The following SHTN1 variants were observed in gnomAD, a reference collection of about 807,000 sequenced individuals.
SHTN1 encodes the protein shootin 1.
A neutral mutation model predicts 83.1 loss-of-function variants in SHTN1; 42 were observed. That is an observed-to-expected ratio of 0.51 (90% CI 0.39 to 0.65). SHTN1 has a LOEUF of 0.65. SHTN1 is among the 30% of genes least tolerant of loss of function. The pLI is 0.00. For synonymous variants in SHTN1, 224 were observed against 247.7 expected (o/e 0.90, Z 0.90); for missense variants, 622 against 737.8 (o/e 0.84, Z 1.82).
At chr10:116,977,813 T>A (rs1850863479) in intron 2 of SHTN1, among the ~76,000 whole-genome samples, 1 of 152,098 alleles carries the variant, frequency 6.6e-6, no homozygotes, top group Admixed American at 6.5e-5. Context: ...TAGCTGGGAC[T>A]ACAGGTGCAT....
intron 15 of SHTN1, among the ~76,000 whole-genome samples, chr10:116,903,467 G>C: frequency 6.6e-6 from 1 of 151,996 alleles, no homozygotes; most frequent in East Asian, 1.9e-4. Context: ...AGAGGTTGCA[G>C]TGAGCCGAGA....
At chr10:116,999,535 A>C (rs1851748713) in intron 1 of SHTN1, among the ~76,000 whole-genome samples, 1 of 152,226 alleles carries the variant, frequency 6.6e-6, no homozygotes, top group Non-Finnish European at 1.5e-5. Context: ...ATTGAGAAAC[A>C]ATGGGTCAGA....
chr10:116,919,111 G>GA (rs1305414854), intron 12 of SHTN1, among the ~76,000 whole-genome samples: 1 of 152,134 alleles, frequency 6.6e-6, no homozygotes, highest in African/African-American at 2.4e-5. Flanking sequence ...AAAACACAGT[G>GA]AATGTGAGAC....
chr10:117,026,510 T>C (rs1226311052), intron 2 of SHTN1, among the ~76,000 whole-genome samples: 1 of 146,538 alleles, frequency 6.8e-6, no homozygotes, highest in East Asian at 1.9e-4. Flanking sequence ...GCAACCTCCT[T>C]CTCCCGAATT....
At chr10:117,014,980 A>G (rs1012228287) in intron 2 of SHTN1, among the ~76,000 whole-genome samples, 5 of 152,214 alleles carry the variant, frequency 3.3e-5, no homozygotes, top group Non-Finnish European at 7.3e-5. Context: ...ATCCAATGGG[A>G]AAGTTGTAAC....
chr10:117,051,016 TCC>T (rs1438394013), intron 1 of SHTN1, among the ~76,000 whole-genome samples: 3 of 152,150 alleles, frequency 2.0e-5, no homozygotes, highest in African/African-American at 7.2e-5. Flanking sequence ...CTGATCGCAC[TCC>T]TGCACTACAG....
intron 9 of SHTN1, among the ~76,000 whole-genome samples, chr10:116,934,555 G>A (rs921411251): frequency 3.3e-5 from 5 of 152,158 alleles, no homozygotes; most frequent in African/African-American, 1.2e-4. Context: ...GTACCATGCT[G>A]CTTTGGTTAC....
At chr10:116,926,155 C>A (rs1247491892) in intron 11 of SHTN1, among the ~76,000 whole-genome samples, 1 of 152,054 alleles carries the variant, frequency 6.6e-6, no homozygotes, top group Non-Finnish European at 1.5e-5. Context: ...CGTTTCTCAG[C>A]GTAACTGTAA....
intron 13 of SHTN1, among the ~76,000 whole-genome samples, chr10:116,913,869 A>G (rs1848290849): frequency 6.6e-6 from 1 of 152,180 alleles, no homozygotes; most frequent in Admixed American, 6.5e-5. Context: ...GCCCAACTCC[A>G]AGAGCTCTGC....
intron 1 of SHTN1, among the ~76,000 whole-genome samples, chr10:116,996,263 C>T (rs1297852981): frequency 6.6e-6 from 1 of 152,162 alleles, no homozygotes; most frequent in Non-Finnish European, 1.5e-5. Context: ...TAACTACCTG[C>T]AATCTGGAAT....
At chr10:116,997,206 A>T (rs1851656118) in intron 1 of SHTN1, among the ~76,000 whole-genome samples, 2 of 151,930 alleles carry the variant, frequency 1.3e-5, no homozygotes, top group South Asian at 4.1e-4. Context: ...TTCCCCATAA[A>T]CTCACCTTCC....
intron 2 of SHTN1, among the ~76,000 whole-genome samples, chr10:117,030,035 C>T (rs976623784): frequency 5.3e-5 from 8 of 151,964 alleles, no homozygotes; most frequent in African/African-American, 1.9e-4. Context: ...CCTACAGGTG[C>T]ATGCCATCAC....
At chr10:116,902,572 T>C (rs1847788116) in intron 15 of SHTN1, among the ~76,000 whole-genome samples, 1 of 152,314 alleles carries the variant, frequency 6.6e-6, no homozygotes, top group African/African-American at 2.4e-5. Flanking sequence ...TTAAAAACCA[T>C]AATAAAACTT....
At chr10:116,979,152 C>A (rs761052950) in intron 2 of SHTN1, 104 bp downstream of exon 2, 41 of 937,186 alleles carry the variant, frequency 4.4e-5, no homozygotes, top group Non-Finnish European at 6.3e-5. Flanking sequence ...AAGAAAAAAA[C>A]AACCCTCATT....
intron 2 of SHTN1, among the ~76,000 whole-genome samples, chr10:117,037,780 G>T (rs1354167214): frequency 1.3e-5 from 2 of 152,012 alleles, no homozygotes; most frequent in Non-Finnish European, 2.9e-5. Flanking sequence ...GGCCAAGACG[G>T]GTGGATCACA....
intron 16 of SHTN1, among the ~76,000 whole-genome samples, chr10:116,896,193 A>G (rs929624069): frequency 1.3e-5 from 2 of 152,144 alleles, no homozygotes; most frequent in Non-Finnish European, 2.9e-5. Flanking sequence ...TATTATACCT[A>G]TATCAACCAA....
chr10:116,928,558 T>C (rs1453196883), intron 10 of SHTN1, among the ~76,000 whole-genome samples: 2 of 152,176 alleles, frequency 1.3e-5, no homozygotes, highest in Admixed American at 6.5e-5. Context: ...TGAACTTAAG[T>C]TGATATCACA....
At chr10:117,048,103 G>C (rs1394239075) in intron 2 of SHTN1, among the ~76,000 whole-genome samples, 3 of 152,072 alleles carry the variant, frequency 2.0e-5, no homozygotes, top group Non-Finnish European at 2.9e-5. Flanking sequence ...GGATCCATAA[G>C]TCATCACATA....
intron 1 of SHTN1, among the ~76,000 whole-genome samples, chr10:117,099,087 T>A (rs1307183355): frequency 6.6e-6 from 1 of 150,910 alleles, no homozygotes; most frequent in Non-Finnish European, 1.5e-5. Context: ...ACCACTTGAA[T>A]AGAGCTGGAG....
Sources: gnomAD v4.1 joint callset for allele counts (sites outside exome capture counted in the v4.1 genomes callset) on GRCh38, gnomAD v4.1.1 for gene constraint, MANE v1.5 for transcripts, NCBI Gene and HGNC (gene_info 2026-07-23, HGNC 2026-07-21) for gene names.